The following CCSER1 variants were observed in gnomAD, a reference collection of about 807,000 sequenced individuals.
The protein encoded by CCSER1 is serine-rich coiled-coil domain-containing protein 1.
Under a neutral mutation model 82.0 loss-of-function variants are expected in CCSER1, and 41 were observed. That is an observed-to-expected ratio of 0.50 (90% CI 0.39 to 0.65). The LOEUF (loss-of-function observed/expected upper bound fraction) is 0.65. Among genes scored for constraint, CCSER1 ranks in the 30% least tolerant of loss-of-function variants. CCSER1 has a pLI of 0.00. For synonymous variants in CCSER1, 414 were observed against 383.9 expected (o/e 1.08, Z -0.92); for missense variants, 1,119 against 1,064.2 (o/e 1.05, Z -0.72).
In CCSER1 at chr4:90,648,284, G is replaced by GGAAAGAAAGAAAGAAAGAAAGGAAAGAAA. The variant is rs1553969667; in HGVS notation, c.1932+20073_1932+20074insGAAAGAAAGAAAGAAAGAAAGAAAGAAAG. On this transcript the variant is annotated intron_variant, in intron 6 of 10. Transcript: ENST00000509176. Reference sequence around the variant, plus strand: ...AGAAAGAAAGAGAGAGAGAAAGAAAGGAAAGAAAGAAAGAAAGAAAGAAAG... The same window carrying GGAAAGAAAGAAAGAAAGAAAGGAAAGAAA: ...AGAAAGAAAGAGAGAGAGAAAGAAAGGAAAGAAAGAAAGAAAGAAAGGAAAGAAAGAAAGAAAGAAAGAAAGAAAGAAAG... Among the ~76,000 whole-genome samples the GGAAAGAAAGAAAGAAAGAAAGGAAAGAAA allele has an allele frequency of 2.8e-3, 255 of 89,884 alleles. 1 individual carries two copies. The highest frequency in any genetic ancestry group is 0.01 in the African/African-American group (249 of 23,816). 59.0% of individuals were successfully genotyped at this position (89,884 alleles called of 152,430 possible).
intron 10 of CCSER1, among the ~76,000 whole-genome samples, chr4:91,361,107 G>A (rs974316306): frequency 4.6e-5 from 7 of 150,692 alleles, no homozygotes; most frequent in African/African-American, 1.7e-4. Context: ...CTTTTTTTTA[G>A]TCTAGCAGAT....
chr4:90,294,673 A>G (rs993262121), intron 1 of CCSER1, among the ~76,000 whole-genome samples: 4 of 152,000 alleles, frequency 2.6e-5, no homozygotes, highest in Admixed American at 2.0e-4. Flanking sequence ...TATATATCTC[A>G]TACTCCCTTA....
chr4:90,302,296 T>G (rs1291075275), intron 1 of CCSER1, among the ~76,000 whole-genome samples: 1 of 152,186 alleles, frequency 6.6e-6, no homozygotes, highest in African/African-American at 2.4e-5. Context: ...CTATGTAAGC[T>G]AATACTTGAG....
At chr4:90,566,015 G>A (rs940665494) in intron 5 of CCSER1, among the ~76,000 whole-genome samples, 4 of 150,976 alleles carry the variant, frequency 2.6e-5, no homozygotes, top group Non-Finnish European at 4.4e-5. Flanking sequence ...ATGCCACCAC[G>A]GCCAGCTAAT....
chr4:91,189,679 T>G (rs924618190), intron 10 of CCSER1, among the ~76,000 whole-genome samples: 2 of 152,164 alleles, frequency 1.3e-5, no homozygotes, highest in Non-Finnish European at 2.9e-5. Flanking sequence ...TTTTTCTTTT[T>G]TCAACTTATA....
chr4:90,563,491 C>T (rs1779022061), intron 5 of CCSER1, among the ~76,000 whole-genome samples: 1 of 152,142 alleles, frequency 6.6e-6, no homozygotes, highest in South Asian at 2.1e-4. Context: ...ATTTCCCTTT[C>T]TACTTTTATG....
chr4:90,303,493 G>A (rs1431272630), intron 1 of CCSER1, among the ~76,000 whole-genome samples: 1 of 152,030 alleles, frequency 6.6e-6, no homozygotes, highest in African/African-American at 2.4e-5. Context: ...CAGAAATAAT[G>A]CCGCATATCT....
At chr4:90,155,742 G>A (rs530988444) in intron 1 of CCSER1, among the ~76,000 whole-genome samples, 74 of 151,958 alleles carry the variant, frequency 4.9e-4, no homozygotes, top group African/African-American at 1.6e-3. Context: ...TTTTTATTGC[G>A]TTTATTTGAT....
At chr4:90,705,592 A>G (rs891699390) in intron 6 of CCSER1, among the ~76,000 whole-genome samples, 2 of 152,164 alleles carry the variant, frequency 1.3e-5, no homozygotes, top group Non-Finnish European at 2.9e-5. Context: ...AGAGGCAGGC[A>G]GGCTTCCTTG....
chr4:91,141,213 G>T (rs923906689), intron 10 of CCSER1, among the ~76,000 whole-genome samples: 1 of 151,488 alleles, frequency 6.6e-6, no homozygotes, highest in Non-Finnish European at 1.5e-5. Context: ...GAGTGAAGTG[G>T]CACAATCTCG....
intron 3 of CCSER1, among the ~76,000 whole-genome samples, chr4:90,394,836 A>C (rs1751731227): frequency 6.6e-6 from 1 of 152,206 alleles, no homozygotes; most frequent in African/African-American, 2.4e-5. Context: ...CATGGTGTAC[A>C]ACATGATTTT....
chr4:91,233,963 T>C (rs1369744364), intron 10 of CCSER1, among the ~76,000 whole-genome samples: 1 of 151,990 alleles, frequency 6.6e-6, no homozygotes, highest in African/African-American at 2.4e-5. Flanking sequence ...CATTTACTTC[T>C]GTCAGGCATT....
chr4:91,460,783 G>C (rs1216362495), intron 10 of CCSER1, among the ~76,000 whole-genome samples: 1 of 152,066 alleles, frequency 6.6e-6, no homozygotes, highest in Non-Finnish European at 1.5e-5. Flanking sequence ...TAAATGTGAG[G>C]ATGAAAGAAA....
At chr4:91,167,684 G>T (rs1355773116) in intron 10 of CCSER1, among the ~76,000 whole-genome samples, 1 of 152,182 alleles carries the variant, frequency 6.6e-6, no homozygotes, top group Non-Finnish European at 1.5e-5. Flanking sequence ...GTGACTTCTA[G>T]AACTGAGGAA....
rs112675764 is a variant in CCSER1 at position 91,434,653 on chromosome 4, T to C, written c.2218-163919T>C. Among the ~76,000 whole-genome samples the C allele has an allele frequency of 4.6e-3, 705 of 152,332 alleles. 6 individuals carry two copies. Among genetic ancestry groups the C allele is most frequent in the African/African-American group, 0.016 (669 of 41,582 alleles). On this transcript the variant is annotated intron_variant, in intron 10 of 10. Transcript: ENST00000509176. ...GGTATGAAGATTGATGGCAGTTTTT[T>C]CTGTTTTATCTATTTTATCTCATAA...
At chr4:91,095,390 G>T (rs1044834910) in intron 10 of CCSER1, among the ~76,000 whole-genome samples, 1 of 152,026 alleles carries the variant, frequency 6.6e-6, no homozygotes, top group African/African-American at 2.4e-5. Context: ...CCTGCCCTTT[G>T]GGGGGGATCC....
intron 6 of CCSER1, among the ~76,000 whole-genome samples, chr4:90,712,412 T>C (rs2149330587): frequency 6.6e-6 from 1 of 152,204 alleles, no homozygotes; most frequent in Non-Finnish European, 1.5e-5. Flanking sequence ...CCGAAAGTCA[T>C]TCAGGAGCAA....
At chr4:91,421,292 G>A (rs765877060) in intron 10 of CCSER1, among the ~76,000 whole-genome samples, 9 of 152,168 alleles carry the variant, frequency 5.9e-5, no homozygotes, top group Admixed American at 1.3e-4. Context: ...TGGAGAACCA[G>A]GAAAGCCTAT....
At chr4:90,819,444 T>G (rs1233673187) in intron 8 of CCSER1, among the ~76,000 whole-genome samples, 1 of 152,184 alleles carries the variant, frequency 6.6e-6, no homozygotes, top group Non-Finnish European at 1.5e-5. Flanking sequence ...CTACTATATA[T>G]TTTTTTCCAG....
Sources: allele counts gnomAD v4.1 joint callset (sites outside exome capture counted in the v4.1 genomes callset), GRCh38; gene constraint gnomAD v4.1.1; transcripts MANE v1.5; gene names NCBI Gene and HGNC (gene_info 2026-07-23, HGNC 2026-07-21).